The following SMG8 variants were observed in gnomAD, a reference collection of about 807,000 sequenced individuals.
SMG8 encodes the protein nonsense-mediated mRNA decay factor SMG8.
A neutral mutation model predicts 82.1 loss-of-function variants in SMG8; 49 were observed. That is an observed-to-expected ratio of 0.60 (90% CI 0.47 to 0.76). The LOEUF is 0.76. SMG8 is among the 30% of genes least tolerant of loss of function. The pLI is 0.00. For missense variants in SMG8, 969 were observed against 1,166.4 expected (o/e 0.83, Z 2.46); for synonymous variants, 404 against 430.0 (o/e 0.94, Z 0.75).
chr17:59,213,900 G>GT (rs1042352274), intron 3 of SMG8, among the ~76,000 whole-genome samples: 30 of 152,200 alleles, frequency 2.0e-4, no homozygotes, highest in African/African-American at 7.0e-4. Flanking sequence ...CTAATATTCT[G>GT]TTTTTTAAAA....
chr17:59,211,388 A>T lies in SMG8; in HGVS notation c.1337A>T (p.Gln446Leu), dbSNP rs756739941. The change falls in exon 1 of 4, where the codon CAG becomes CTG. Residue 446 changes from glutamine to leucine, a missense_variant. Transcript: ENST00000300917. ...QPSHFELPTYQKWISAASKLY... is the reference protein window; with the variant it reads ...QPSHFELPTYLKWISAASKLY... ...TCCCATTTTGAACTTCCTACTTATCAGAAGTGGATCTCAGCAGCTTCAAAA... is the reference window on the plus strand; with the variant it reads ...TCCCATTTTGAACTTCCTACTTATCTGAAGTGGATCTCAGCAGCTTCAAAA... The T allele has an allele frequency of 3.1e-6, 5 of 1,614,108 alleles. 1 individual carries two copies. Among genetic ancestry groups the T allele is most frequent in the Non-Finnish European group, 4.2e-6 (5 of 1,180,042 alleles).
At chr17:59,212,623 C>T (rs1466768912) in intron 2 of SMG8, 106 bp from the exon 3 acceptor site, 1 of 1,456,898 alleles carries the variant, frequency 6.9e-7, no homozygotes, top group African/African-American at 1.4e-5. Context: ...GGAGCAAATT[C>T]TTTATGTGTA....
At chr17:59,213,680 G>A (rs547416165) in intron 3 of SMG8, 79 bp downstream of exon 3, 1 of 1,497,104 alleles carries the variant, frequency 6.7e-7, no homozygotes, top group Middle Eastern at 2.1e-4. Flanking sequence ...AAAAGTACAA[G>A]TTAGCCTCAA....
rs757372288 is a variant in SMG8 at position 59,210,419 on chromosome 17, C to T, written c.368C>T (p.Ala123Val). ...TCAGTTCGGGGAAGTGGAGCTGTCG[C>T]GGAAGGTAACCGAACTGAGGCAGGC... The part of the protein sequence containing the change: ...GGSVRGSGAV[A>V]EGNRTEAGSQ... Residue 123 changes from alanine (A) to valine (V), a missense_variant, in exon 1 of 4, where the codon GCG becomes GTG. Around this residue, in one of 3 missense-constraint regions of SMG8, gnomAD observed 206 missense variants for 190.5 expected, o/e 1.08. Transcript: ENST00000300917. 9.9e-6 allele frequency: 16 copies of T among 1,610,496 alleles called. No homozygotes were observed. Among genetic ancestry groups the T allele is most frequent in the South Asian group, 5.5e-5 (5 of 90,574 alleles).
Position 59,213,530 on chromosome 17 carries a change from CATT to C in SMG8, c.2710_2712del (p.Tyr904del), listed in dbSNP as rs1416608435. On this transcript the variant is annotated inframe_deletion, in exon 3 of 4. Coordinates refer to ENST00000300917, the MANE Select transcript of SMG8 (RefSeq NM_018149.7). Reference sequence around the variant, plus strand: ...CTCTCAAGGTAGAGGGCTGAAACCTCATTATGCTCAACTTATGAGGCTTTTTGT... The same window carrying C: ...CTCTCAAGGTAGAGGGCTGAAACCTCATGCTCAACTTATGAGGCTTTTTGT... 3.0e-5 allele frequency: 49 copies of C among 1,614,082 alleles called. No individual in the cohort carries two copies. The highest frequency in any genetic ancestry group is 4.1e-5 in the Non-Finnish European group (48 of 1,180,042).
intron 3 of SMG8, among the ~76,000 whole-genome samples, chr17:59,214,344 T>C (rs186055415): frequency 3.7e-3 from 566 of 152,278 alleles, no homozygotes; most frequent in Non-Finnish European, 5.9e-3. Flanking sequence ...CTAAATAATA[T>C]ACTATTGGAT....
At position 59,211,101 on chromosome 17, in the gene SMG8, G is replaced by A. The variant is rs755566023; in HGVS notation, c.1050G>A (p.Met350Ile). The change falls in exon 1 of 4, where the codon ATG becomes ATA. Residue 350 changes from methionine (M) to isoleucine (I), a missense_variant. This residue lies in a region of SMG8 where 662 missense variants were observed against 884.8 expected (regional missense o/e 0.75). Transcript: ENST00000300917. ...PGSQEEDPVG[M>I]LLDQLRSHCT... ...GCCAGGAGGAGGACCCAGTAGGTATGTTGCTGGACCAACTTAGGAGTCATT... is the reference window on the plus strand; with the variant it reads ...GCCAGGAGGAGGACCCAGTAGGTATATTGCTGGACCAACTTAGGAGTCATT... 1.2e-6 allele frequency: 2 copies of A among 1,614,244 alleles called. No homozygotes were observed. The highest frequency in any genetic ancestry group is 1.7e-6 in the Non-Finnish European group (2 of 1,180,050).
At position 59,212,378 on chromosome 17, in the gene SMG8, A is replaced by G. The variant is rs1046222715; in HGVS notation, c.1797A>G (p.Leu599=). ...KPEADRNPPV[L]YHNSRARSTG... ...AGGCTGATAGAAATCCGCCTGTGCTATATCACAATAGCCGAGCTCGATCTA... is the reference window on the plus strand; with the variant it reads ...AGGCTGATAGAAATCCGCCTGTGCTGTATCACAATAGCCGAGCTCGATCTA... The change falls in exon 2 of 4, where the codon CTA becomes CTG. Residue 599 remains leucine, a synonymous_variant. Transcript: ENST00000300917. 8 of 1,601,640 alleles carry G rather than the reference A, an allele frequency of 5.0e-6. No individual in the cohort carries two copies. The highest frequency in any genetic ancestry group is 6.8e-6 in the Non-Finnish European group (8 of 1,170,514).
intron 3 of SMG8, 33 bp from the exon 4 acceptor site, chr17:59,214,772 T>A (rs769231866): frequency 2.3e-6 from 2 of 865,336 alleles, no homozygotes; most frequent in South Asian, 2.6e-5. Flanking sequence ...TATTGAGAAA[T>A]GTGAAAATAA....
At chr17:59,212,016 C>T (rs891646950) in intron 1 of SMG8, 20 of 466,620 alleles carry the variant, frequency 4.3e-5, no homozygotes, top group Admixed American at 3.9e-4. Flanking sequence ...TTAAAGGATA[C>T]GTCCTAGTGA....
chr17:59,212,115 ATGTT>A (rs1271695177), intron 1 of SMG8: 4 of 430,930 alleles, frequency 9.3e-6, no homozygotes, highest in Non-Finnish European at 1.2e-5. Flanking sequence ...ACTAAAATGA[ATGTT>A]ATGTTAGATG....
chr17:59,211,641 G>T lies in SMG8; in HGVS notation c.1590G>T (p.Gln530His). ...TMTVHKNQLA[Q>H]ALRVYSQHAR... ...CTGTCCATAAGAATCAGCTTGCCCA[G>T]GCTCTTCGAGTGTACAGTCAACATG... is the stretch of plus-strand genomic sequence containing the variant. The change falls in exon 1 of 4, where the codon CAG (glutamine) becomes CAT (histidine). Residue 530 changes from glutamine (Q) to histidine (H), a missense_variant. Physicochemically the swap from Gln to His is conservative, Grantham distance 24. Around this residue, in one of 3 missense-constraint regions of SMG8, gnomAD observed 662 missense variants for 884.8 expected, o/e 0.75. Coordinates refer to ENST00000300917, the MANE Select transcript of SMG8 (RefSeq NM_018149.7). The T allele has an allele frequency of 1.9e-6, 3 of 1,613,962 alleles. No homozygotes were observed. The highest frequency in any genetic ancestry group is 1.7e-5 in the Admixed American group (1 of 59,954).
Position 59,212,762 on chromosome 17 carries a change from C to T in SMG8, c.1939C>T (p.His647Tyr), listed in dbSNP as rs139959281. 4 of 1,608,660 alleles carry T rather than the reference C, an allele frequency of 2.5e-6. No homozygotes were observed. The African/African-American group carries it at 5.4e-5, about 22-fold the overall frequency. Residue 647 changes from histidine to tyrosine, a missense_variant, in exon 3 of 4, where the codon CAT becomes TAT. Around this residue, in one of 3 missense-constraint regions of SMG8, gnomAD observed 662 missense variants for 884.8 expected, o/e 0.75. Coordinates refer to ENST00000300917, the MANE Select transcript of SMG8 (RefSeq NM_018149.7). ...AGAAAAGTGTTGTGGAAAATTGGAT[C>T]ATATCAATTTCCCAGTATTTGAACC... Reference protein sequence around the residue: ...LEEKCCGKLDHINFPVFEPST... With the variant: ...LEEKCCGKLDYINFPVFEPST...
Position 59,214,850 on chromosome 17 carries a change from CA to C in SMG8, c.2826del (p.Glu943LysfsTer12). The C allele has an allele frequency of 1.1e-6, 1 of 872,982 alleles. No individual in the cohort carries two copies. Among genetic ancestry groups the C allele is most frequent in the Non-Finnish European group, 2.0e-6 (1 of 501,676 alleles). 54.1% of individuals were successfully genotyped at this position (872,982 alleles called of 1,614,324 possible). On this transcript the variant is annotated frameshift_variant, in exon 4 of 4. Coordinates refer to ENST00000300917, the MANE Select transcript of SMG8 (RefSeq NM_018149.7). LOFTEE classifies it high-confidence loss of function. ...ATGTCCGGTATTCTACCCAGAAAAACAAGAAATCACCCTTCCACCTGATGGC... is the reference window on the plus strand; with the variant it reads ...ATGTCCGGTATTCTACCCAGAAAAACAGAAATCACCCTTCCACCTGATGGC... ...PPCPVFYPEK[Q>X]EITLPPDGLW...
chr17:59,210,078 C>T lies in SMG8; in HGVS notation c.27C>T (p.Asp9=). The change falls in exon 1 of 4, where the codon GAC becomes GAT. Residue 9 remains aspartate, a synonymous_variant. Transcript: ENST00000300917. MAGPVSLR[D]LLMGASAWMG... is the part of the protein sequence containing the mutation. Reference sequence around the variant, plus strand: ...TGGCTGGTCCCGTGAGCTTGCGAGACCTTCTAATGGGAGCATCAGCCTGGA... The same window carrying T: ...TGGCTGGTCCCGTGAGCTTGCGAGATCTTCTAATGGGAGCATCAGCCTGGA... 5 of 1,572,214 alleles carry T rather than the reference C, an allele frequency of 3.2e-6. No homozygotes were observed. Among genetic ancestry groups the T allele is most frequent in the Non-Finnish European group, 4.3e-6 (5 of 1,163,054 alleles).
rs1220195177 is a variant in SMG8, at chr17:59,212,743, G to T, written c.1920G>T (p.Lys640Asn). Residue 640 changes from lysine (K) to asparagine (N), a missense_variant, in exon 3 of 4, where the codon AAG (lysine) becomes AAT (asparagine). Physicochemically the swap from Lys to Asn is moderately conservative, Grantham distance 94. Transcript: ENST00000300917. ...ACCCTCTATAGCTTCTGGAAGAAAAGTGTTGTGGAAAATTGGATCATATCA... is the reference window on the plus strand; with the variant it reads ...ACCCTCTATAGCTTCTGGAAGAAAATTGTTGTGGAAAATTGGATCATATCA... ...NYDFYQLLEE[K>N]CCGKLDHINF... 2.5e-6 allele frequency: 4 copies of T among 1,602,212 alleles called. No homozygotes were observed. The highest frequency in any genetic ancestry group is 1.7e-4 in the Middle Eastern group (1 of 5,970).
At chr17:59,214,016 G>T (rs1452058620) in intron 3 of SMG8, among the ~76,000 whole-genome samples, 1 of 151,982 alleles carries the variant, frequency 6.6e-6, no homozygotes, top group Non-Finnish European at 1.5e-5. Context: ...GGTACAGTGA[G>T]TCACGCCTGT....
In SMG8 at chr17:59,211,498, A is replaced by G. The variant is rs1568332198; in HGVS notation, c.1447A>G (p.Lys483Glu). The change falls in exon 1 of 4, where the codon AAA becomes GAA. Residue 483 changes from lysine (K) to glutamate (E), a missense_variant. By Grantham distance (56) the Lys-to-Glu change is moderately conservative. Coordinates refer to ENST00000300917, the MANE Select transcript of SMG8 (RefSeq NM_018149.7). ...ELTSKILSSI[K>E]VLEGFLDIDT... Reference sequence around the variant, plus strand: ...AACATCTAAGATTTTAAGCAGTATTAAAGTCTTGGAAGGATTTTTGGATAT... The same window carrying G: ...AACATCTAAGATTTTAAGCAGTATTGAAGTCTTGGAAGGATTTTTGGATAT... 1 of 1,613,852 alleles carries G rather than the reference A, an allele frequency of 6.2e-7. No homozygotes were observed. The highest frequency in any genetic ancestry group is 8.5e-7 in the Non-Finnish European group (1 of 1,179,996).
At chr17:59,212,551 A>T in intron 2 of SMG8, 65 bp downstream of exon 2, 1 of 1,553,598 alleles carries the variant, frequency 6.4e-7, no homozygotes, top group Non-Finnish European at 8.7e-7. Context: ...CTGAGTAAAA[A>T]CATATTTTCA....
Sources: gnomAD v4.1 joint callset for allele counts (sites outside exome capture counted in the v4.1 genomes callset) on GRCh38, gnomAD v4.1.1 for gene constraint, gnomAD v4.1.1 regional missense constraint, MANE v1.5 for transcripts, NCBI Gene and HGNC (gene_info 2026-07-23, HGNC 2026-07-21) for gene names.